Variants in PRDM16 observed in about 807,000 individuals in gnomAD.
The protein encoded by PRDM16 is histone-lysine N-methyltransferase PRDM16.
Under a neutral mutation model 110.6 loss-of-function variants are expected in PRDM16, and 23 were observed. The ratio of observed to expected loss-of-function variants is 0.21; its 90% CI spans 0.15 to 0.29. PRDM16 has a LOEUF of 0.29. Among genes scored for constraint, PRDM16 ranks in the 10% least tolerant of loss-of-function variants. The pLI, the probability that PRDM16 is intolerant of heterozygous loss-of-function variation, is 1.00. For synonymous variants in PRDM16, 799 were observed against 781.8 expected (o/e 1.02, Z -0.37); for missense variants, 1,615 against 1,794.3 (o/e 0.90, Z 1.81).
intron 2 of PRDM16, among the ~76,000 whole-genome samples, chr1:3,241,304 C>T (rs1054345033): frequency 1.3e-5 from 2 of 152,242 alleles, no homozygotes; most frequent in Non-Finnish European, 2.9e-5. Flanking sequence ...GGGGCTCTGC[C>T]TCTGTGCGGC....
chr1:3,211,126 CG>C (rs1638873240), intron 2 of PRDM16, among the ~76,000 whole-genome samples: 1 of 152,106 alleles, frequency 6.6e-6, no homozygotes, highest in Admixed American at 6.6e-5. Context: ...GTCATTTGTT[CG>C]ATGCTGGTTG....
intron 1 of PRDM16, among the ~76,000 whole-genome samples, chr1:3,181,801 TACAC>T (rs1468492033): frequency 3.0e-5 from 4 of 133,164 alleles, no homozygotes; most frequent in African/African-American, 6.0e-5. Context: ...CATGCAGTCT[TACAC>T]ACGGTCTTAC....
intron 1 of PRDM16, among the ~76,000 whole-genome samples, chr1:3,091,251 C>T (rs1415712488): frequency 6.6e-6 from 1 of 152,216 alleles, no homozygotes; most frequent in African/African-American, 2.4e-5. Context: ...CTCTCTGAAA[C>T]CCAGGGTATG....
chr1:3,410,038 TGTG>T (rs1643656099), intron 8 of PRDM16, among the ~76,000 whole-genome samples: 1 of 141,838 alleles, frequency 7.1e-6, no homozygotes, highest in South Asian at 2.3e-4. Flanking sequence ...TGTGTGTGAT[TGTG>T]TGTGTACGAA....
Position 3,411,794 on chromosome 1 carries a change from T to G in PRDM16, c.1597T>G (p.Ser533Ala), listed in dbSNP as rs870124. 1 of 1,611,332 alleles carries G rather than the reference T, an allele frequency of 6.2e-7. No individual in the cohort carries two copies. The highest frequency in any genetic ancestry group is 1.3e-5 in the African/African-American group (1 of 74,964). ...YPRPPLLPPT[S>A]LLKSPLNHTQ... Reference sequence around the variant, plus strand: ...CCGGCCGCCTCTGCTACCTCCCACATCGCTGCTCAAGAGCCCCCTGAACCA... The same window carrying G: ...CCGGCCGCCTCTGCTACCTCCCACAGCGCTGCTCAAGAGCCCCCTGAACCA... The change falls in exon 9 of 17, where the codon TCG becomes GCG. Residue 533 changes from serine (S) to alanine (A), a missense_variant. Ser to Ala is a moderately conservative substitution (Grantham distance 99). Around this residue, in one of 5 missense-constraint regions of PRDM16, gnomAD observed 772 missense variants for 748.3 expected, o/e 1.03. Transcript: ENST00000270722.
At chr1:3,131,847 C>T (rs1359960795) in intron 1 of PRDM16, among the ~76,000 whole-genome samples, 1 of 152,222 alleles carries the variant, frequency 6.6e-6, no homozygotes, top group Non-Finnish European at 1.5e-5. Context: ...TGGGACCCGC[C>T]TGCTTCCCCT....
At chr1:3,234,343 C>T (rs1241140280) in intron 2 of PRDM16, among the ~76,000 whole-genome samples, 2 of 152,124 alleles carry the variant, frequency 1.3e-5, no homozygotes, top group Admixed American at 6.5e-5. Context: ...GGGGCCCTGA[C>T]ACGGAGCCTG....
Position 3,218,225 on chromosome 1 carries a change from TCTC to T in PRDM16, c.388-25858_388-25856del, listed in dbSNP as rs763444921. 2.3e-4 allele frequency among the ~76,000 whole-genome samples: 35 copies of T among 152,316 alleles called. No homozygotes were observed. The Middle Eastern group carries it at 0.014, about 59-fold the overall frequency. ...TCTTTCTTCCTCTCTGGTTCGTACT[TCTC>T]CTCTCTCATGGGGGTCCCCCAAAGC... On this transcript the variant is annotated intron_variant, in intron 2 of 16. Transcript: ENST00000270722.
At chr1:3,187,161 G>A (rs532671061) in intron 2 of PRDM16, among the ~76,000 whole-genome samples, 9 of 152,320 alleles carry the variant, frequency 5.9e-5, no homozygotes, top group African/African-American at 1.2e-4. Flanking sequence ...TGTGAGGGAC[G>A]CTAGGCCCCG....
intron 3 of PRDM16, among the ~76,000 whole-genome samples, chr1:3,256,199 T>A (rs59227786): frequency 0.18 from 27,768 of 152,118 alleles, 2,756 homozygotes; most frequent in Middle Eastern, 0.25. Flanking sequence ...GCTCCATGCC[T>A]CCAACTCCAT....
chr1:3,127,945 G>T (rs1408786283), intron 1 of PRDM16: 1 of 154,428 alleles, frequency 6.5e-6, no homozygotes, highest in Non-Finnish European at 1.5e-5. Flanking sequence ...AGGGGCTCCC[G>T]CCTCTGGTCA....
rs572430092 is a variant in PRDM16, at chr1:3,082,785, G to A, written c.37+13489G>A. Among the ~76,000 whole-genome samples, 412 of 152,330 alleles carry A rather than the reference G, an allele frequency of 2.7e-3. 2 individuals are homozygous for A. Among genetic ancestry groups the A allele is most frequent in the African/African-American group, 3.5e-3 (145 of 41,586 alleles). The stretch of plus-strand genomic sequence containing the variant: ...GAGCTCAGCTTTGCCCGCTTTGTGC[G>A]GAGTCCACCGAGGGGGCCTGGGGGA... On this transcript the variant is annotated intron_variant, in intron 1 of 16. Coordinates refer to ENST00000270722, the MANE Select transcript of PRDM16 (RefSeq NM_022114.4).
rs144671552 is a variant in PRDM16, at chr1:3,175,812, T to C, written c.38-10313T>C. ...CAGACGTTCCTCTCAGATGAGCCGA[T>C]CAGGGTCAAGGGCAGAGAGGAGCCA... On this transcript the variant is annotated intron_variant, in intron 1 of 16. Coordinates refer to ENST00000270722, the MANE Select transcript of PRDM16 (RefSeq NM_022114.4). This position sits in a 1 kb window ranked among gnomAD's most constrained non-coding sequence, Gnocchi z 4.8. Among the ~76,000 whole-genome samples the C allele has an allele frequency of 6.6e-6, 1 of 152,120 alleles. No individual in the cohort carries two copies. The highest frequency in any genetic ancestry group is 2.4e-5 in the African/African-American group (1 of 41,408).
chr1:3,409,667 G>GTGGTGTGCGTA (rs1643635841), intron 8 of PRDM16, among the ~76,000 whole-genome samples: 3 of 151,344 alleles, frequency 2.0e-5, no homozygotes, highest in African/African-American at 7.3e-5. Flanking sequence ...TGGTGTGCGT[G>GTGGTGTGCGTA]TCTGTGGTGT....
rs1345023263 is a variant in PRDM16, at chr1:3,213,821, C to G, written c.387+27347C>G. Reference sequence around the variant, plus strand: ...GCCGTAGACCAAGGACTCCCGAGGCCAAGCCGGTGCCTTCCCAGGAGGCCT... The same window carrying G: ...GCCGTAGACCAAGGACTCCCGAGGCGAAGCCGGTGCCTTCCCAGGAGGCCT... On this transcript the variant is annotated intron_variant, in intron 2 of 16. Coordinates refer to ENST00000270722, the MANE Select transcript of PRDM16 (RefSeq NM_022114.4). This position sits in a 1 kb window ranked among gnomAD's most constrained non-coding sequence, Gnocchi z 5.3. Among the ~76,000 whole-genome samples, 2 of 152,146 alleles carry G rather than the reference C, an allele frequency of 1.3e-5. No individual in the cohort carries two copies. The highest frequency in any genetic ancestry group is 2.9e-5 in the Non-Finnish European group (2 of 68,022).
chr1:3,345,318 G>A (rs1360446730), intron 3 of PRDM16, among the ~76,000 whole-genome samples: 1 of 152,154 alleles, frequency 6.6e-6, no homozygotes, highest in Non-Finnish European at 1.5e-5. Flanking sequence ...GTTATCTGCA[G>A]GAGAGTACAT....
At chr1:3,331,294 G>GCCC (rs151213349) in intron 3 of PRDM16, among the ~76,000 whole-genome samples, 7 of 151,324 alleles carry the variant, frequency 4.6e-5, no homozygotes, top group South Asian at 2.1e-4. Flanking sequence ...GAGAAAGGCA[G>GCCC]CCCCCCCCCG....
chr1:3,242,970 A>G (rs1163090317), intron 2 of PRDM16, among the ~76,000 whole-genome samples: 1 of 152,236 alleles, frequency 6.6e-6, no homozygotes, highest in African/African-American at 2.4e-5. Flanking sequence ...TTTGCTTAGC[A>G]CAGACAGCAC....
intron 5 of PRDM16, among the ~76,000 whole-genome samples, chr1:3,398,694 GA>G (rs1643422479): frequency 1.3e-5 from 2 of 152,338 alleles, no homozygotes; most frequent in African/African-American, 4.8e-5. Flanking sequence ...ATTGCTGATG[GA>G]ACTTCAGATA....
Sources: gnomAD v4.1 joint callset for allele counts (sites outside exome capture counted in the v4.1 genomes callset) on GRCh38, gnomAD v4.1.1 for gene constraint, gnomAD v4.1.1 regional missense constraint, Gnocchi (gnomAD v3.1) non-coding constraint, MANE v1.5 for transcripts, NCBI Gene and HGNC (gene_info 2026-07-23, HGNC 2026-07-21) for gene names.